The following PIWIL1 variants were observed in gnomAD, a reference collection of about 807,000 sequenced individuals.
PIWIL1 encodes the protein piwi like RNA-mediated gene silencing 1.
PIWIL1 carries 73 observed loss-of-function variants against 114.4 expected under a neutral mutation model. The ratio of observed to expected loss-of-function variants is 0.64; its 90% confidence interval spans 0.53 to 0.78. The LOEUF (loss-of-function observed/expected upper bound fraction) is 0.78, where lower values mean the gene tolerates loss of function less well. Among genes scored for constraint, PIWIL1 ranks in the 30% least tolerant of loss-of-function variants. PIWIL1 has a pLI of 0.00. For missense variants in PIWIL1, 723 were observed against 1,063.1 expected (o/e 0.68, Z 4.45); for synonymous variants, 375 against 369.0 (o/e 1.02, Z -0.19).
rs2073820235 is a variant in PIWIL1 at position 130,371,679 on chromosome 12, CTGTTATCTTTCTGGATGAAACT to C, written c.*84_*105del. 1 of 866,272 alleles carries C rather than the reference CTGTTATCTTTCTGGATGAAACT, an allele frequency of 1.2e-6. No individual in the cohort carries two copies. The highest frequency in any genetic ancestry group is 1.8e-6 in the Non-Finnish European group (1 of 544,768). 53.7% of individuals were successfully genotyped at this position (866,272 alleles called of 1,614,324 possible). A position where few individuals can be genotyped will look rare whatever the true frequency, so the allele number is the denominator to read the frequency against. ...AAGCTTTTATTTACTTTTTTTTTAA[CTGTTATCTTTCTGGATGAAACT>C]TGGGAAGGGGATTAGGAGATCTAGC... is the stretch of plus-strand genomic sequence containing the variant. On this transcript the variant is annotated 3_prime_UTR_variant, in exon 21 of 21. Transcript: ENST00000245255.
chr12:130,383,655 A>G, the PIWIL1 span: 11 of 152,210 alleles, frequency 7.2e-5, no homozygotes, highest in Admixed American at 7.2e-4. Flanking sequence ...CAAAAATTAT[A>G]GAGGCATCAA....
chr12:130,382,649 A>G, the PIWIL1 span, among the ~76,000 whole-genome samples: 1 of 152,224 alleles, frequency 6.6e-6, no homozygotes, highest in African/African-American at 2.4e-5. Context: ...TTCTCAGTAA[A>G]TCATTGATAA....
downstream of PIWIL1, among the ~76,000 whole-genome samples, chr12:130,377,004 T>TGGCACCAGCACA (rs2073871677): frequency 6.6e-6 from 1 of 152,176 alleles, no homozygotes; most frequent in Admixed American, 6.5e-5. Flanking sequence ...TGGGCTGAAA[T>TGGCACCAGCACA]GGCACCAGCA....
At chr12:130,339,095 C>G (rs1002526941) in intron 1 of PIWIL1, among the ~76,000 whole-genome samples, 1 of 152,096 alleles carries the variant, frequency 6.6e-6, no homozygotes, top group African/African-American at 2.4e-5. Context: ...TCCGCCGCCG[C>G]TGCGCTGCGC....
At chr12:130,344,426 G>A (rs1485394618) in intron 3 of PIWIL1, among the ~76,000 whole-genome samples, 1 of 125,924 alleles carries the variant, frequency 7.9e-6, no homozygotes, top group Non-Finnish European at 1.8e-5. Context: ...AAACATGGAA[G>A]TGCCTTGTAA....
In PIWIL1 at chr12:130,371,616, A is replaced by G. The variant is rs760090051; in HGVS notation, c.*18A>G. The G allele has an allele frequency of 7.7e-6, 11 of 1,436,170 alleles. No homozygotes were observed. In the African/African-American group the frequency reaches 1.6e-4, roughly 20 times the overall value. 89.0% of individuals were successfully genotyped at this position (1,436,170 alleles called of 1,614,324 possible). ...ACCTCTAACCTGCAGAAGACGATGC[A>G]GCCGCTTTTCTTTTTGAAATGACTT... On this transcript the variant is annotated 3_prime_UTR_variant, in exon 21 of 21. Transcript: ENST00000245255.
chr12:130,383,408 TC>T, the PIWIL1 span: 3 of 152,194 alleles, frequency 2.0e-5, no homozygotes, highest in African/African-American at 4.8e-5. Context: ...CACTTGGATT[TC>T]CTGGGGATCG....
At chr12:130,399,193 A>T in the PIWIL1 span, 5 of 1,239,678 alleles carry the variant, frequency 4.0e-6, no homozygotes, top group Non-Finnish European at 5.3e-6. Flanking sequence ...AAGAAATAAA[A>T]ATATATATAT....
the PIWIL1 span, chr12:130,422,438 G>A: frequency 1.3e-6 from 2 of 1,571,892 alleles, no homozygotes; most frequent in Non-Finnish European, 1.7e-6. The surrounding 1 kb of genome is among the most constrained non-coding windows in gnomAD (Gnocchi z 5.2). Flanking sequence ...CAACAGCGAT[G>A]ATGGGGCCAC....
Position 130,348,161 on chromosome 12 carries a change from C to A in PIWIL1, c.712C>A (p.Pro238Thr). Residue 238 changes from proline (P) to threonine (T), a missense_variant, in exon 7 of 21, where the codon CCA becomes ACA. Pro to Thr is a conservative substitution (Grantham distance 38, BLOSUM62 -1). Transcript: ENST00000245255. ...IGRNYYNPND[P>T]IDIPSHRLVI... Reference sequence around the variant, plus strand: ...ACGAAATTATTATAACCCAAATGACCCAATTGATATTCCAAGTCACAGGTT... The same window carrying A: ...ACGAAATTATTATAACCCAAATGACACAATTGATATTCCAAGTCACAGGTT... 2 of 1,600,866 alleles carry A rather than the reference C, an allele frequency of 1.2e-6. No individual in the cohort carries two copies. The highest frequency in any genetic ancestry group is 1.3e-5 in the African/African-American group (1 of 74,682).
the PIWIL1 span, chr12:130,399,272 G>A: frequency 9.0e-6 from 5 of 558,518 alleles, no homozygotes; most frequent in African/African-American, 9.8e-5. Context: ...CATGAATGTA[G>A]TCTAATAGTT....
chr12:130,394,640 T>G, the PIWIL1 span, among the ~76,000 whole-genome samples: 1 of 145,240 alleles, frequency 6.9e-6, no homozygotes, highest in African/African-American at 2.6e-5. Flanking sequence ...CCGTAGAAAT[T>G]TCTGGAAGGT....
the PIWIL1 span, among the ~76,000 whole-genome samples, chr12:130,377,819 G>T: frequency 6.6e-6 from 1 of 152,220 alleles, no homozygotes; most frequent in Non-Finnish European, 1.5e-5. Flanking sequence ...CCTGGGGGCT[G>T]CATCTGGCCT....
rs112652311 is a variant in PIWIL1, at chr12:130,345,539, G to A, written c.191-214G>A. ...AAAGGGTGCATCTGCAATTGCCCAG[G>A]ACAGTGACAAGGCCTTTATGAATGA... is the stretch of plus-strand genomic sequence containing the variant. On this transcript the variant is annotated intron_variant, in intron 3 of 20. Transcript: ENST00000245255. The A allele has an allele frequency of 1.0e-5, 5 of 494,588 alleles. No homozygotes were observed. In the Admixed American group the frequency reaches 1.7e-4, roughly 17 times the overall value. The allele number at this position is 494,588 out of a possible 1,614,324, so 30.6% of individuals were successfully genotyped here.
At chr12:130,338,788 A>G (rs1297309258) in intron 1 of PIWIL1, among the ~76,000 whole-genome samples, 2 of 83,892 alleles carry the variant, frequency 2.4e-5, no homozygotes, top group South Asian at 9.5e-4. Flanking sequence ...GCGATGTATC[A>G]GGTGTGGGGG....
At chr12:130,358,805 C>A (rs2073434643) in intron 14 of PIWIL1, among the ~76,000 whole-genome samples, 1 of 152,212 alleles carries the variant, frequency 6.6e-6, no homozygotes, top group South Asian at 2.1e-4. Context: ...CTCTCTAGTA[C>A]AAGGCCATCT....
At chr12:130,402,192 T>A in the PIWIL1 span, among the ~76,000 whole-genome samples, 5 of 152,188 alleles carry the variant, frequency 3.3e-5, no homozygotes, top group Admixed American at 3.3e-4. Flanking sequence ...GCGGTGTGAA[T>A]ACTGCTTTGG....
chr12:130,385,562 G>A, the PIWIL1 span, among the ~76,000 whole-genome samples: 9,551 of 152,230 alleles, frequency 0.063, 332 homozygotes, highest in Middle Eastern at 0.15. Flanking sequence ...TCCTGAAGAT[G>A]CGTCTATGTG....
chr12:130,391,919 G>A, the PIWIL1 span, among the ~76,000 whole-genome samples: 1 of 148,970 alleles, frequency 6.7e-6, no homozygotes, highest in Non-Finnish European at 1.5e-5. Flanking sequence ...GTGACCTGGT[G>A]AATATTCAAT....
Sources: allele counts gnomAD v4.1 joint callset (sites outside exome capture counted in the v4.1 genomes callset), GRCh38; gene constraint gnomAD v4.1.1; non-coding constraint Gnocchi (gnomAD v3.1); transcripts MANE v1.5; gene names NCBI Gene and HGNC (gene_info 2026-07-23, HGNC 2026-07-21).